The following NFE2L3 variants were observed in gnomAD, a reference collection of about 807,000 sequenced individuals.
NFE2L3 encodes nuclear factor erythroid 2-related factor 3.
A neutral mutation model predicts 23.5 loss-of-function variants in NFE2L3; 18 were observed. The observed-to-expected ratio is 0.77, with a 90% confidence interval of 0.53 to 1.13. The LOEUF is 1.13. Among genes scored for constraint, NFE2L3 ranks in the 50% most tolerant of loss-of-function variants. NFE2L3 has a pLI of 0.00. For synonymous variants in NFE2L3, 424 were observed against 354.5 expected (o/e 1.20, Z -2.20); for missense variants, 1,152 against 877.2 (o/e 1.31, Z -3.96).
chr7:26,155,402 A>T (rs1475597559), intron 1 of NFE2L3, among the ~76,000 whole-genome samples: 1 of 152,176 alleles, frequency 6.6e-6, no homozygotes, highest in Non-Finnish European at 1.5e-5. Context: ...AGATTGTGCC[A>T]CTGAACTCCA....
chr7:26,166,439 G>A lies in NFE2L3; in HGVS notation c.571-11504G>A, dbSNP rs529050728. ...CTCAGGGACACACATGGACCTGGAG[G>A]GGCAAAGAAGAACCAGTACTGTGGC... On this transcript the variant is annotated intron_variant, in intron 1 of 3. Transcript: ENST00000056233. 3.3e-5 allele frequency among the ~76,000 whole-genome samples: 5 copies of A among 152,284 alleles called. No individual in the cohort carries two copies. The East Asian group carries it at 9.7e-4, about 29-fold the overall frequency.
At chr7:26,170,228 G>A (rs1239005256) in intron 1 of NFE2L3, among the ~76,000 whole-genome samples, 1 of 152,174 alleles carries the variant, frequency 6.6e-6, no homozygotes, top group Non-Finnish European at 1.5e-5. Flanking sequence ...AGGTCTTGGT[G>A]TCTTCCTCTC....
intron 1 of NFE2L3, among the ~76,000 whole-genome samples, chr7:26,176,828 C>T (rs1436443977): frequency 8.0e-6 from 1 of 125,058 alleles, no homozygotes. Context: ...GGCAGAGGCG[C>T]TCCTCACTTC....
At chr7:26,176,053 G>A (rs181283484) in intron 1 of NFE2L3, among the ~76,000 whole-genome samples, 4,087 of 151,616 alleles carry the variant, frequency 0.027, 115 homozygotes, top group Non-Finnish European at 0.038. Flanking sequence ...TTAGGGAGTG[G>A]TGATGACTCT....
At chr7:26,175,544 G>A (rs993025308) in intron 1 of NFE2L3, among the ~76,000 whole-genome samples, 11 of 151,990 alleles carry the variant, frequency 7.2e-5, no homozygotes, top group Admixed American at 2.0e-4. Context: ...TTGGGAGGCC[G>A]AGGCGGGCGG....
intron 1 of NFE2L3, among the ~76,000 whole-genome samples, chr7:26,176,114 C>T (rs1348973095): frequency 1.3e-5 from 2 of 150,836 alleles, no homozygotes; most frequent in Non-Finnish European, 3.0e-5. Flanking sequence ...CATCTTGCAC[C>T]GCCCTTAATC....
chr7:26,185,536 TGCAA>T lies in NFE2L3; in HGVS notation c.1843_1846del (p.Ala615ArgfsTer18), dbSNP rs753571610. 34 of 1,613,780 alleles carry T rather than the reference TGCAA, an allele frequency of 2.1e-5. No individual in the cohort carries two copies. Among genetic ancestry groups the T allele is most frequent in the Non-Finnish European group, 2.6e-5 (31 of 1,179,842 alleles). On this transcript the variant is annotated frameshift_variant, in exon 4 of 4. Transcript: ENST00000056233. LOFTEE classifies it low-confidence loss of function (END_TRUNC). The stretch of plus-strand genomic sequence containing the variant: ...AATTTAGAAGATGATGTATGTAACT[TGCAA>T]GCAAAGAAGGAAACTCTTAAGAGAG...
At chr7:26,175,309 G>C (rs953295693) in intron 1 of NFE2L3, among the ~76,000 whole-genome samples, 1 of 151,494 alleles carries the variant, frequency 6.6e-6, no homozygotes, top group African/African-American at 2.4e-5. Context: ...GCCGTGAGCC[G>C]AGATCTCGCC....
At chr7:26,156,520 T>C (rs559824444) in intron 1 of NFE2L3, among the ~76,000 whole-genome samples, 23 of 152,250 alleles carry the variant, frequency 1.5e-4, no homozygotes, top group South Asian at 1.2e-3. Flanking sequence ...GAAAACTGAC[T>C]CTGGAATTCC....
chr7:26,173,906 A>G (rs781755697), intron 1 of NFE2L3: 3 of 152,264 alleles, frequency 2.0e-5, no homozygotes, highest in Non-Finnish European at 2.9e-5. Context: ...AGCTGGTGCT[A>G]AATGCTATGG....
chr7:26,181,581 TA>T (rs1784510823), intron 2 of NFE2L3, among the ~76,000 whole-genome samples: 2 of 152,202 alleles, frequency 1.3e-5, no homozygotes, highest in South Asian at 4.2e-4. Context: ...TGGAAAATGA[TA>T]TAAACACTGG....
chr7:26,180,180 CAAACTGCGGA>C (rs1784481112), intron 2 of NFE2L3, among the ~76,000 whole-genome samples: 1 of 152,198 alleles, frequency 6.6e-6, no homozygotes, highest in Non-Finnish European at 1.5e-5. Context: ...TCTGTGTCCC[CAAACTGCGGA>C]AAACACACAC....
intron 1 of NFE2L3, among the ~76,000 whole-genome samples, chr7:26,155,456 T>A (rs894399062): frequency 2.7e-4 from 41 of 151,344 alleles, no homozygotes; most frequent in African/African-American, 9.5e-4. Flanking sequence ...AGAAAAAAAA[T>A]GAAGAAGAAG....
intron 1 of NFE2L3, among the ~76,000 whole-genome samples, chr7:26,172,702 A>C (rs575667971): frequency 6.6e-6 from 1 of 152,314 alleles, no homozygotes; most frequent in South Asian, 2.1e-4. Flanking sequence ...CAATGATTAG[A>C]TTGAGATTAT....
Position 26,175,751 on chromosome 7 carries a change from C to T in NFE2L3, c.571-2192C>T, listed in dbSNP as rs560695005. Among the ~76,000 whole-genome samples, 476 of 149,982 alleles carry T rather than the reference C, an allele frequency of 3.2e-3. 2 individuals carry two copies. Among genetic ancestry groups the T allele is most frequent in the African/African-American group, 0.011 (464 of 40,782 alleles). ...CCAAGATCGTGCCACTGCACTCCAG[C>T]CTGGGCGACAGAGCAAGACTCTGTC... On this transcript the variant is annotated intron_variant, in intron 1 of 3. Transcript: ENST00000056233.
At chr7:26,172,867 T>G (rs1377361704) in intron 1 of NFE2L3, among the ~76,000 whole-genome samples, 1 of 152,206 alleles carries the variant, frequency 6.6e-6, no homozygotes, top group Non-Finnish European at 1.5e-5. Context: ...TTTTTCTTTT[T>G]GTAATTAACA....
chr7:26,180,458 C>T (rs1414100763), intron 2 of NFE2L3, among the ~76,000 whole-genome samples: 1 of 152,210 alleles, frequency 6.6e-6, no homozygotes, highest in Non-Finnish European at 1.5e-5. Context: ...CTCCCCACAG[C>T]ATACATACTG....
chr7:26,154,711 G>C (rs1184622570), intron 1 of NFE2L3, among the ~76,000 whole-genome samples: 1 of 152,106 alleles, frequency 6.6e-6, no homozygotes, highest in African/African-American at 2.4e-5. Context: ...CCACCATACT[G>C]GCTGATTTTT....
At chr7:26,176,380 A>T (rs1784405715) in intron 1 of NFE2L3, among the ~76,000 whole-genome samples, 1 of 152,124 alleles carries the variant, frequency 6.6e-6, no homozygotes, top group South Asian at 2.1e-4. Flanking sequence ...GTCTCTTCGG[A>T]GCTGTTGGGT....
Sources: gnomAD v4.1 joint callset for allele counts (sites outside exome capture counted in the v4.1 genomes callset) on GRCh38, gnomAD v4.1.1 for gene constraint, MANE v1.5 for transcripts, NCBI Gene and HGNC (gene_info 2026-07-23, HGNC 2026-07-21) for gene names.